The following PPP2R5C variants were observed in gnomAD, a reference collection of about 807,000 sequenced individuals.
PPP2R5C encodes serine/threonine-protein phosphatase 2A 56 kDa regulatory subunit gamma isoform.
PPP2R5C carries 7 observed loss-of-function variants against 68.9 expected under a neutral mutation model. The ratio of observed to expected loss-of-function variants is 0.10; its 90% CI spans 0.06 to 0.19. PPP2R5C has a LOEUF of 0.19. Ranked by LOEUF, PPP2R5C falls within the 10% of genes least tolerant of loss-of-function variation. The pLI, the probability that PPP2R5C is intolerant of heterozygous loss-of-function variation, is 1.00. For synonymous variants in PPP2R5C, 210 were observed against 222.2 expected (o/e 0.95, Z 0.49); for missense variants, 348 against 641.3 (o/e 0.54, Z 4.94).
chr14:101,826,824 G>A (rs1269263016), intron 1 of PPP2R5C, among the ~76,000 whole-genome samples: 1 of 151,966 alleles, frequency 6.6e-6, no homozygotes, highest in Non-Finnish European at 1.5e-5. Flanking sequence ...GAGAACCTGT[G>A]GGCATCTGGG....
At chr14:101,872,187 G>A (rs536168828) in intron 2 of PPP2R5C, among the ~76,000 whole-genome samples, 16 of 139,006 alleles carry the variant, frequency 1.2e-4, no homozygotes, top group African/African-American at 3.8e-4. Context: ...TTTAGCTTTC[G>A]TGTATCTGCA....
chr14:101,851,413 A>T (rs1287033754), intron 1 of PPP2R5C, among the ~76,000 whole-genome samples: 1 of 152,204 alleles, frequency 6.6e-6, no homozygotes, highest in African/African-American at 2.4e-5. Flanking sequence ...CCTGGGCAAC[A>T]TAGTGAGACC....
chr14:101,760,750 G>T, upstream of PPP2R5C: 2 of 879,660 alleles, frequency 2.3e-6, no homozygotes, highest in Non-Finnish European at 2.6e-6. Flanking sequence ...CTGGTCGAGG[G>T]GAGGGGCTGG....
chr14:101,906,313 C>A lies in PPP2R5C; in HGVS notation c.1024-89C>A. ...CATAATTTTCTGGTCCAAGGTAGTT[C>A]ATTACCCGACTCACAGGTTTAACAG... On this transcript the variant is annotated intron_variant, in intron 9 of 13. Transcript: ENST00000334743. This position sits in a 1 kb window ranked among gnomAD's most constrained non-coding sequence, Gnocchi z 4.0. 1 of 1,381,034 alleles carries A rather than the reference C, an allele frequency of 7.2e-7. No homozygotes were observed. The highest frequency in any genetic ancestry group is 9.7e-7 in the Non-Finnish European group (1 of 1,027,164). The allele number at this position is 1,381,034 out of a possible 1,614,324, so 85.5% of individuals were successfully genotyped here.
rs76697013 is a variant in PPP2R5C at position 101,836,955 on chromosome 14, G to A, written c.95-19731G>A. ...GATTGAACATTGAAACACATAAAGC[G>A]AGAACTGTAGGGGATTAAAGACAAA... On this transcript the variant is annotated intron_variant, in intron 1 of 13. Transcript: ENST00000334743. 9.6e-3 allele frequency among the ~76,000 whole-genome samples: 1,464 copies of A among 152,282 alleles called. 31 individuals carry two copies. The highest frequency in any genetic ancestry group is 0.078 in the East Asian group (404 of 5,190).
At chr14:101,822,751 T>C (rs191061744) in intron 1 of PPP2R5C, among the ~76,000 whole-genome samples, 1 of 152,360 alleles carries the variant, frequency 6.6e-6, no homozygotes, top group Non-Finnish European at 1.5e-5. Context: ...ATTCTGCATT[T>C]TTTTACTTCT....
At chr14:101,919,697 G>T (rs1376776672) in intron 13 of PPP2R5C, among the ~76,000 whole-genome samples, 1 of 152,180 alleles carries the variant, frequency 6.6e-6, no homozygotes, top group African/African-American at 2.4e-5. Flanking sequence ...GCCGGGTGTG[G>T]TGGCTCACGC....
chr14:101,925,240 G>GC lies in PPP2R5C; in HGVS notation c.1545dup (p.Asp516ArgfsTer2). On this transcript the variant is annotated frameshift_variant, in exon 14 of 14. Coordinates refer to ENST00000334743, the Ensembl canonical transcript of PPP2R5C. LOFTEE classifies it high-confidence loss of function. ...GAAAGCCTTGGAAGCTCACTGCAGG[G>GC]CCGATGAGCTGGCCTCCCAGGACGG... 4.3e-6 allele frequency: 7 copies of GC among 1,613,516 alleles called. No homozygotes were observed. Among genetic ancestry groups the GC allele is most frequent in the Non-Finnish European group, 5.9e-6 (7 of 1,179,960 alleles).
At chr14:101,901,466 C>T (rs1451213762) in intron 8 of PPP2R5C, among the ~76,000 whole-genome samples, 1 of 152,140 alleles carries the variant, frequency 6.6e-6, no homozygotes, top group Non-Finnish European at 1.5e-5. Flanking sequence ...TCAAGTCCAG[C>T]CTGGACAACA....
At chr14:101,912,621 T>C (rs1848471555) in intron 12 of PPP2R5C, 148 bp downstream of exon 14, 6 of 1,330,940 alleles carry the variant, frequency 4.5e-6, no homozygotes, top group Non-Finnish European at 5.8e-6. Flanking sequence ...TTTTAAACTT[T>C]GTAACCCTCC....
chr14:101,762,814 A>G (rs1312817556), intron 1 of PPP2R5C, 91 bp from the exon 2 acceptor site: 7 of 1,027,622 alleles, frequency 6.8e-6, no homozygotes, highest in Non-Finnish European at 1.0e-5. Context: ...CTGTAGTTGT[A>G]TAAATCACTT....
intron 2 of PPP2R5C, among the ~76,000 whole-genome samples, chr14:101,872,078 C>T (rs2043454522): frequency 6.6e-6 from 1 of 151,746 alleles, no homozygotes; most frequent in African/African-American, 2.4e-5. Context: ...TTCATCATTC[C>T]TTTGTGTAGA....
chr14:101,779,848 A>G (rs1036233806), intron 2 of PPP2R5C, among the ~76,000 whole-genome samples: 1 of 152,176 alleles, frequency 6.6e-6, no homozygotes, highest in Non-Finnish European at 1.5e-5. Context: ...TACGATTGGG[A>G]GAAAGATGAG....
At chr14:101,802,012 T>C (rs970478647) in intron 3 of PPP2R5C, among the ~76,000 whole-genome samples, 4 of 152,158 alleles carry the variant, frequency 2.6e-5, no homozygotes, top group African/African-American at 9.7e-5. Flanking sequence ...AACCCTCACA[T>C]AGGTGGTCAA....
chr14:101,797,368 G>GT lies in PPP2R5C; in HGVS notation c.259+11187dup. ...CCACACACATTCAGTCAGTACACGA[G>GT]TTAACAGTTGCGTGCTTGTCTGCCT... On this transcript the variant is annotated intron_variant, in intron 3 of 14. Coordinates refer to the PPP2R5C transcript ENST00000328724. The surrounding 1 kb of genome is among the most constrained non-coding windows in gnomAD (Gnocchi z 4.2). 6.7e-6 allele frequency: 3 copies of GT among 446,296 alleles called. No homozygotes were observed. In the Admixed American group the frequency reaches 7.1e-5, roughly 11 times the overall value. 27.6% of individuals were successfully genotyped at this position (446,296 alleles called of 1,614,324 possible). A position where few individuals can be genotyped will look rare whatever the true frequency, so the allele number is the denominator to read the frequency against.
intron 2 of PPP2R5C, 109 bp downstream of exon 4, chr14:101,856,994 C>G: frequency 9.5e-7 from 1 of 1,054,556 alleles, no homozygotes; most frequent in Non-Finnish European, 1.4e-6. Flanking sequence ...TCCTCCTGTT[C>G]CAGAATTTGT....
exon 14 of PPP2R5C, chr14:101,927,512 T>C (rs2047328332): frequency 6.6e-6 from 1 of 152,660 alleles, no homozygotes; most frequent in African/African-American, 2.4e-5. Flanking sequence ...GTGACTGTTT[T>C]TCTTCATAAA....
At chr14:101,800,651 C>CAA (rs201617260) in intron 3 of PPP2R5C, among the ~76,000 whole-genome samples, 1,817 of 124,438 alleles carry the variant, frequency 0.015, 42 homozygotes, top group African/African-American at 0.049. Flanking sequence ...TTAGCAATAC[C>CAA]AAAAAAAAAA....
intron 3 of PPP2R5C, among the ~76,000 whole-genome samples, chr14:101,795,761 TAA>T (rs2038575748): frequency 2.0e-5 from 3 of 152,220 alleles, no homozygotes; most frequent in Admixed American, 6.5e-5. Flanking sequence ...GAATACCAGT[TAA>T]ATATTTTATA....
Sources: gnomAD v4.1 joint callset for allele counts (sites outside exome capture counted in the v4.1 genomes callset) on GRCh38, gnomAD v4.1.1 for gene constraint, Gnocchi (gnomAD v3.1) non-coding constraint, MANE v1.5 for transcripts, NCBI Gene and HGNC (gene_info 2026-07-23, HGNC 2026-07-21) for gene names.